The following CFAP46 variants were observed in gnomAD, a reference collection of about 807,000 sequenced individuals.
CFAP46 encodes the protein cilia and flagella associated protein 46.
CFAP46 carries 245 observed loss-of-function variants against 325.7 expected under a neutral mutation model. That is an observed-to-expected ratio of 0.75 (90% CI 0.68 to 0.84). CFAP46 has a LOEUF of 0.84. Ranked by LOEUF, CFAP46 falls within the 40% of genes least tolerant of loss-of-function variation. The pLI, the probability that CFAP46 is intolerant of heterozygous loss-of-function variation, is 0.00. For missense variants in CFAP46, 3,346 were observed against 3,543.0 expected, an observed-to-expected ratio of 0.94 and a Z score of 1.41; for synonymous variants, 1,523 against 1,495.9, an observed-to-expected ratio of 1.02 and a Z score of -0.42.
chr10:132,891,427 A>T (rs1262116657), intron 25 of CFAP46, among the ~76,000 whole-genome samples: 7 of 152,246 alleles, frequency 4.6e-5, no homozygotes, highest in Admixed American at 3.9e-4. Context: ...CTTAAGGCTG[A>T]CAGAGTGGAC....
At chr10:132,811,302 C>A (rs1258667614) in intron 55 of CFAP46, among the ~76,000 whole-genome samples, 1 of 152,214 alleles carries the variant, frequency 6.6e-6, no homozygotes, top group East Asian at 1.9e-4. Context: ...CCCACCTGGG[C>A]TCCCCCAGCC....
At chr10:132,880,825 C>T (rs907712951) in intron 28 of CFAP46, 36 bp downstream of exon 28, 16 of 1,532,406 alleles carry the variant, frequency 1.0e-5, no homozygotes, top group Middle Eastern at 2.2e-4. Flanking sequence ...TGGGGAGCGG[C>T]GTGGGGTCGG....
intron 38 of CFAP46, 139 bp downstream of exon 38, chr10:132,858,932 A>C (rs921600950): frequency 1.1e-5 from 9 of 834,094 alleles, no homozygotes; most frequent in African/African-American, 1.7e-5. Context: ...GGCAGCCGAG[A>C]GCTTCCCAGG....
intron 29 of CFAP46, 83 bp downstream of exon 29, chr10:132,879,343 T>C (rs1849003452): frequency 1.5e-6 from 2 of 1,321,308 alleles, no homozygotes; most frequent in Admixed American, 5.9e-5. Context: ...CTGACATCTT[T>C]ACAACGCTCA....
chr10:132,820,576 C>T (rs1427920784), intron 50 of CFAP46, among the ~76,000 whole-genome samples: 29 of 134,954 alleles, frequency 2.1e-4, no homozygotes, highest in Admixed American at 6.6e-4. Context: ...GCTGTGTGTG[C>T]GCTGATGTGT....
intron 27 of CFAP46, among the ~76,000 whole-genome samples, chr10:132,883,784 G>T (rs1222031994): frequency 1.3e-5 from 2 of 152,234 alleles, no homozygotes; most frequent in African/African-American, 4.8e-5. Context: ...TGATGGGGAT[G>T]GCCCTGGGCG....
intron 49 of CFAP46, 113 bp from the exon 50 acceptor site, chr10:132,833,638 C>T (rs986344897): frequency 5.4e-6 from 6 of 1,114,650 alleles, no homozygotes; most frequent in Non-Finnish European, 6.4e-6. Context: ...GCTGGCAGCC[C>T]GCCTTGACTC....
intron 44 of CFAP46, 36 bp downstream of exon 44, chr10:132,846,021 C>G: frequency 6.3e-7 from 1 of 1,582,244 alleles, no homozygotes; most frequent in Non-Finnish European, 8.5e-7. Flanking sequence ...AGCTCCAGAG[C>G]TGGGGGCAGG....
rs1368493177 is a variant in CFAP46 at position 132,932,673 on chromosome 10, C to T, written c.866+2079G>A. On this transcript the variant is annotated intron_variant, in intron 8 of 57. Coordinates refer to ENST00000368586, the MANE Select transcript of CFAP46 (RefSeq NM_001200049.3). ...GGGCCTTCCTACCATGCGACAAGCC[C>T]GTAGGCGTGCCGCCAACCGCACCTG... is the stretch of plus-strand genomic sequence containing the variant. Among the ~76,000 whole-genome samples, 7 of 136,886 alleles carry T rather than the reference C, an allele frequency of 5.1e-5. No individual in the cohort carries two copies. The East Asian group carries it at 7.9e-4, about 15-fold the overall frequency. The allele number at this position is 136,886 out of a possible 152,430, so 89.8% of individuals were successfully genotyped here.
chr10:132,913,410 G>A (rs1164284384), intron 17 of CFAP46, among the ~76,000 whole-genome samples, 152 bp from the exon 18 acceptor site: 1 of 152,140 alleles, frequency 6.6e-6, no homozygotes, highest in African/African-American at 2.4e-5. Context: ...TGCATTTACA[G>A]TCGCCCCGCC....
At position 132,832,372 on chromosome 10, in the gene CFAP46, C is replaced by T. The variant is rs1848160073; in HGVS notation, c.7117+986G>A. Among the ~76,000 whole-genome samples the T allele has an allele frequency of 6.7e-6, 1 of 148,714 alleles. No individual in the cohort carries two copies. The highest frequency in any genetic ancestry group is 1.5e-5 in the Non-Finnish European group (1 of 67,646). On this transcript the variant is annotated intron_variant, in intron 50 of 57. Transcript: ENST00000368586. This position sits in a 1 kb window ranked among gnomAD's most constrained non-coding sequence, Gnocchi z 4.1. Reference sequence around the variant, plus strand: ...ACTGTCTGTCCTCAACTTGCGGAGACCCCTGGGCTCTTCCTGCCCCCCCCC... The same window carrying T: ...ACTGTCTGTCCTCAACTTGCGGAGATCCCTGGGCTCTTCCTGCCCCCCCCC...
At chr10:132,838,684 G>T (rs1848305165) in intron 44 of CFAP46, among the ~76,000 whole-genome samples, 1 of 152,266 alleles carries the variant, frequency 6.6e-6, no homozygotes, top group Non-Finnish European at 1.5e-5. Flanking sequence ...GTCAATGGGG[G>T]TCATGAGCGA....
At chr10:132,843,832 TGTG>T (rs1328272843) in intron 44 of CFAP46, among the ~76,000 whole-genome samples, 1 of 85,490 alleles carries the variant, frequency 1.2e-5, no homozygotes, top group Non-Finnish European at 2.5e-5. Context: ...GCTGTGGGGC[TGTG>T]GTCTCGGTGG....
At chr10:132,866,676 G>T (rs978278458) in intron 34 of CFAP46, among the ~76,000 whole-genome samples, 3 of 152,176 alleles carry the variant, frequency 2.0e-5, no homozygotes, top group Non-Finnish European at 4.4e-5. Flanking sequence ...GGCCTGGGGC[G>T]GTGGCTGAGC....
rs149200879 is a variant in CFAP46 at position 132,889,317 on chromosome 10, G to T, written c.3304+3016C>A. On this transcript the variant is annotated intron_variant, in intron 25 of 57. Transcript: ENST00000368586. This position sits in a 1 kb window ranked among gnomAD's most constrained non-coding sequence, Gnocchi z 6.0. The stretch of plus-strand genomic sequence containing the variant: ...GCATTCTCCAGAGCCGACCGGCTGG[G>T]TCTAGGGAGCAGAGGTGCCCATGGC... 0.015 allele frequency among the ~76,000 whole-genome samples: 2,252 copies of T among 152,326 alleles called. 32 individuals carry two copies. Among genetic ancestry groups the T allele is most frequent in the Middle Eastern group, 0.031 (9 of 294 alleles).
chr10:132,849,357 C>T (rs1848496481), intron 41 of CFAP46, among the ~76,000 whole-genome samples: 1 of 152,230 alleles, frequency 6.6e-6, no homozygotes, highest in Non-Finnish European at 1.5e-5. Flanking sequence ...TCAGGGCCGA[C>T]CCAGGGCTGC....
In CFAP46 at chr10:132,832,691, C is replaced by T. The variant is rs1490268719; in HGVS notation, c.7117+667G>A. On this transcript the variant is annotated intron_variant, in intron 50 of 57. Coordinates refer to ENST00000368586, the MANE Select transcript of CFAP46 (RefSeq NM_001200049.3). This position sits in a 1 kb window ranked among gnomAD's most constrained non-coding sequence, Gnocchi z 4.1. ...ACCGCAAGGGTAGCGCTCGGGGAAGCTTCACAACCGGGGCACGTCTGCACA... is the reference window on the plus strand; with the variant it reads ...ACCGCAAGGGTAGCGCTCGGGGAAGTTTCACAACCGGGGCACGTCTGCACA... The T allele has an allele frequency of 2.2e-6, 1 of 453,884 alleles. No individual in the cohort carries two copies. The highest frequency in any genetic ancestry group is 4.7e-6 in the Non-Finnish European group (1 of 212,966). 28.1% of individuals were successfully genotyped at this position (453,884 alleles called of 1,614,324 possible). A position where few individuals can be genotyped will look rare whatever the true frequency, so the allele number is the denominator to read the frequency against.
chr10:132,812,434 C>A (rs144882361), intron 55 of CFAP46, among the ~76,000 whole-genome samples: 10 of 152,158 alleles, frequency 6.6e-5, no homozygotes, highest in South Asian at 2.1e-4. Context: ...GTGACCAGCG[C>A]GGTCCTGAGC....
Position 132,942,455 on chromosome 10 carries a change from G to C in CFAP46, c.30C>G (p.Ala10=), listed in dbSNP as rs1430337897. The change falls in exon 1 of 58, where the codon GCC becomes GCG. Residue 10 remains alanine, a synonymous_variant. Coordinates refer to ENST00000368586, the MANE Select transcript of CFAP46 (RefSeq NM_001200049.3). Reference sequence around the variant, plus strand: ...GGTCACCTTGCTGGCTCTCGGCGCGGGCCAGCTCCTGCGTGATGACCAGGT... The same window carrying C: ...GGTCACCTTGCTGGCTCTCGGCGCGCGCCAGCTCCTGCGTGATGACCAGGT... The part of the protein sequence containing the change: MDLVITQEL[A]RAESQQDAAS... The C allele has an allele frequency of 1.9e-5, 26 of 1,337,914 alleles. No homozygotes were observed. Among genetic ancestry groups the C allele is most frequent in the Non-Finnish European group, 2.5e-5 (26 of 1,050,014 alleles). The allele number at this position is 1,337,914 out of a possible 1,614,324, so 82.9% of individuals were successfully genotyped here.
Sources: allele counts gnomAD v4.1 joint callset (sites outside exome capture counted in the v4.1 genomes callset), GRCh38; gene constraint gnomAD v4.1.1; non-coding constraint Gnocchi (gnomAD v3.1); transcripts MANE v1.5; gene names NCBI Gene and HGNC (gene_info 2026-07-23, HGNC 2026-07-21).